The following TAOK2 variants were observed in gnomAD, a reference collection of about 807,000 sequenced individuals.
The protein encoded by TAOK2 is serine/threonine-protein kinase TAO2.
In TAOK2, 42 loss-of-function variants were observed where a neutral mutation model predicts 122.5. The observed-to-expected ratio is 0.34, with a 90% CI of 0.27 to 0.44. The LOEUF (loss-of-function observed/expected upper bound fraction) is 0.44, where lower values mean the gene tolerates loss of function less well. TAOK2 is among the 20% of genes least tolerant of loss of function. The pLI is 1.00. For missense variants in TAOK2, 1,264 were observed against 1,644.9 expected (o/e 0.77, Z 4.01); for synonymous variants, 704 against 677.6 (o/e 1.04, Z -0.61).
Position 29,988,298 on chromosome 16 carries a change from C to T in TAOK2, c.*318C>T. The T allele has an allele frequency of 3.4e-6, 5 of 1,451,584 alleles. No homozygotes were observed. The highest frequency in any genetic ancestry group is 4.6e-5 in the Admixed American group (2 of 43,636). 89.9% of individuals were successfully genotyped at this position (1,451,584 alleles called of 1,614,324 possible). A position where few individuals can be genotyped will look rare whatever the true frequency, so the allele number is the denominator to read the frequency against. ...TGGGAAGAGTCATGTTTTTTTTCTC[C>T]TCTTTGATTTTGTTTTTCTGTCTCC... is the stretch of plus-strand genomic sequence containing the variant. On this transcript the variant is annotated 3_prime_UTR_variant, in exon 16 of 16. Transcript: ENST00000308893.
rs759312159 is a variant in TAOK2 at position 29,983,550 on chromosome 16, C to T, written c.1308C>T (p.Pro436=). 1.2e-5 allele frequency: 20 copies of T among 1,613,880 alleles called. No homozygotes were observed. Among genetic ancestry groups the T allele is most frequent in the East Asian group, 2.2e-5 (1 of 44,880 alleles). The part of the protein sequence containing the change: ...YDDPYQPEIT[P]SPLQPPAAPA... ...ACCCCTACCAGCCAGAGATAACCCCCAGCCCTCTCCAGCCGCCTGCAGCCC... is the reference window on the plus strand; with the variant it reads ...ACCCCTACCAGCCAGAGATAACCCCTAGCCCTCTCCAGCCGCCTGCAGCCC... The change falls in exon 13 of 16, where the codon CCC becomes CCT. Residue 436 remains proline (P), a synonymous_variant. Coordinates refer to ENST00000308893, the MANE Select transcript of TAOK2 (RefSeq NM_016151.4).
intron 1 of TAOK2, among the ~76,000 whole-genome samples, chr16:29,976,140 G>A (rs2069446910): frequency 1.3e-5 from 2 of 152,140 alleles, no homozygotes; most frequent in South Asian, 4.1e-4. Context: ...TGTGGCCTAG[G>A]TTAGCATTCT....
At chr16:29,975,389 T>G (rs1354637213) in intron 1 of TAOK2, among the ~76,000 whole-genome samples, 2 of 152,180 alleles carry the variant, frequency 1.3e-5, no homozygotes, top group Non-Finnish European at 2.9e-5. Flanking sequence ...AGAACCAGAA[T>G]TTGAACTCAA....
intron 12 of TAOK2, 61 bp downstream of exon 12, chr16:29,983,393 C>T (rs1329640465): frequency 1.3e-6 from 2 of 1,560,434 alleles, no homozygotes; most frequent in African/African-American, 1.3e-5. Flanking sequence ...GGGTCTTCGC[C>T]CTCCTTCCCT....
downstream of TAOK2, chr16:29,989,491 CTT>C (rs1162771259): frequency 6.4e-7 from 1 of 1,567,400 alleles, no homozygotes; most frequent in Non-Finnish European, 8.7e-7. Context: ...TCTTCTCTCT[CTT>C]CTCCCCATTT....
Position 29,987,573 on chromosome 16 carries a change from C to T in TAOK2, c.3301C>T (p.Gln1101Ter). Residue 1101 changes from glutamine (Q) to a stop codon, truncating the protein, a stop_gained, in exon 16 of 16, where the codon CAG (glutamine) becomes TAG (stop). Coordinates refer to ENST00000308893, the MANE Select transcript of TAOK2 (RefSeq NM_016151.4). LOFTEE classifies it high-confidence loss of function. ...GTCACCCATGGCCTTCCGGGCCCTGCAGGGCTGTGGGGCTGTGGGGGACCG... is the reference window on the plus strand; with the variant it reads ...GTCACCCATGGCCTTCCGGGCCCTGTAGGGCTGTGGGGCTGTGGGGGACCG... ...RLSPMAFRAL[Q>*]GCGAVGDRGL... 1 of 1,612,786 alleles carries T rather than the reference C, an allele frequency of 6.2e-7. No individual in the cohort carries two copies. Among genetic ancestry groups the T allele is most frequent in the Non-Finnish European group, 8.5e-7 (1 of 1,179,200 alleles).
chr16:29,988,120 G>C lies in TAOK2; in HGVS notation c.*140G>C. 7.0e-7 allele frequency: 1 copy of C among 1,433,234 alleles called. No individual in the cohort carries two copies. 88.8% of individuals were successfully genotyped at this position (1,433,234 alleles called of 1,614,324 possible). ...TCACTTACCCCAGGCCCAGCCCTTC[G>C]GACCTCTAGACAGGCAGCCTCCTCA... On this transcript the variant is annotated 3_prime_UTR_variant, in exon 16 of 16. Transcript: ENST00000308893.
rs372412751 is a variant in TAOK2, at chr16:29,973,960, G to A, written c.-724G>A. Reference sequence around the variant, plus strand: ...AGAGGCTGAGACGGAGAAGAGGAGAGGCAGAGAGGGCGCGGGGACCGTCAG... The same window carrying A: ...AGAGGCTGAGACGGAGAAGAGGAGAAGCAGAGAGGGCGCGGGGACCGTCAG... On this transcript the variant is annotated 5_prime_UTR_variant, in exon 1 of 16. Coordinates refer to ENST00000308893, the MANE Select transcript of TAOK2 (RefSeq NM_016151.4). The A allele has an allele frequency of 6.5e-6, 1 of 153,078 alleles. No homozygotes were observed. Among genetic ancestry groups the A allele is most frequent in the South Asian group, 2.1e-4 (1 of 4,840 alleles). 9.5% of individuals were successfully genotyped at this position (153,078 alleles called of 1,614,324 possible). A position where few individuals can be genotyped will look rare whatever the true frequency, so the allele number is the denominator to read the frequency against.
chr16:29,987,449 T>G lies in TAOK2; in HGVS notation c.3177T>G (p.Pro1059=). The change falls in exon 16 of 16, where the codon CCT becomes CCG. Residue 1059 remains proline (P), a synonymous_variant. Coordinates refer to ENST00000308893, the MANE Select transcript of TAOK2 (RefSeq NM_016151.4). ...WLLAWPGLAL[P]LVAMAAGGRW... ...TAGCTTGGCCAGGCCTAGCTCTACC[T>G]CTGGTGGCTATGGCAGCGGGGGGCA... The G allele has an allele frequency of 6.3e-7, 1 of 1,598,572 alleles. No individual in the cohort carries two copies. The highest frequency in any genetic ancestry group is 1.1e-5 in the South Asian group (1 of 89,882).
Position 29,979,335 on chromosome 16 carries a change from A to G in TAOK2, c.563+27A>G. Reference sequence around the variant, plus strand: ...TGAGTGAGTGAGTGGTGGTGAGTGGAGAGACCTCCCAGGGATGTTGGGAGT... The same window carrying G: ...TGAGTGAGTGAGTGGTGGTGAGTGGGGAGACCTCCCAGGGATGTTGGGAGT... On this transcript the variant is annotated intron_variant, in intron 7 of 15. Transcript: ENST00000308893. The surrounding 1 kb of genome is among the most constrained non-coding windows in gnomAD (Gnocchi z 4.1). The G allele has an allele frequency of 6.2e-7, 1 of 1,612,736 alleles. No homozygotes were observed. Among genetic ancestry groups the G allele is most frequent in the Non-Finnish European group, 8.5e-7 (1 of 1,178,952 alleles).
rs753738658 is a variant in TAOK2 at position 29,977,949 on chromosome 16, C to T, written c.132+45C>T. 1.9e-6 allele frequency: 3 copies of T among 1,613,720 alleles called. No individual in the cohort carries two copies. The South Asian group carries it at 3.3e-5, about 18-fold the overall frequency. On this transcript the variant is annotated intron_variant, in intron 2 of 15. Transcript: ENST00000308893. ...GGTGTAATAGGGATGGGGACTCTTCCTATCCCTGTGGACTTCCCAACAGCC... is the reference window on the plus strand; with the variant it reads ...GGTGTAATAGGGATGGGGACTCTTCTTATCCCTGTGGACTTCCCAACAGCC...
Position 29,978,280 on chromosome 16 carries a change from G to T in TAOK2, c.233G>T (p.Arg78Leu), listed in dbSNP as rs761769256. ...TGGCAAGACATCATCAAGGAGGTGC[G>T]GTTCTTACAGAAGCTCCGGCATCCC... Reference protein sequence around the residue: ...EKWQDIIKEVRFLQKLRHPNT... With the variant: ...EKWQDIIKEVLFLQKLRHPNT... The change falls in exon 4 of 16, where the codon CGG (arginine) becomes CTG (leucine). Residue 78 changes from arginine (R) to leucine (L), a missense_variant. Around this residue, in one of 4 missense-constraint regions of TAOK2, gnomAD observed 254 missense variants for 503.8 expected, o/e 0.50. Transcript: ENST00000308893. The T allele has an allele frequency of 6.2e-7, 1 of 1,613,958 alleles. No individual in the cohort carries two copies. Among genetic ancestry groups the T allele is most frequent in the Non-Finnish European group, 8.5e-7 (1 of 1,180,004 alleles).
intron 1 of TAOK2, among the ~76,000 whole-genome samples, chr16:29,976,732 G>A (rs1283253691): frequency 6.6e-6 from 1 of 152,246 alleles, no homozygotes; most frequent in Non-Finnish European, 1.5e-5. Context: ...GGTGACAGCT[G>A]AGAGAGTAAT....
chr16:29,986,417 C>T lies in TAOK2; in HGVS notation c.2145C>T (p.Gly715=), dbSNP rs765007898. The change falls in exon 16 of 16, where the codon GGC becomes GGT. Residue 715 remains glycine, a synonymous_variant. Transcript: ENST00000308893. This position sits in a 1 kb window ranked among gnomAD's most constrained non-coding sequence, Gnocchi z 4.2. ...LTRLQHQTEL[G]NQLEYNKRRE... ...GCCTGCAGCACCAGACGGAGCTGGG[C>T]AACCAGCTGGAGTACAACAAGCGGC... The T allele has an allele frequency of 6.2e-7, 1 of 1,611,526 alleles. No individual in the cohort carries two copies. Among genetic ancestry groups the T allele is most frequent in the Non-Finnish European group, 8.5e-7 (1 of 1,178,608 alleles).
At position 29,987,696 on chromosome 16, in the gene TAOK2, C is replaced by T. The variant is rs1567251310; in HGVS notation, c.3424C>T (p.His1142Tyr). The T allele has an allele frequency of 6.2e-7, 1 of 1,614,088 alleles. No homozygotes were observed. Among genetic ancestry groups the T allele is most frequent in the Non-Finnish European group, 8.5e-7 (1 of 1,179,966 alleles). The change falls in exon 16 of 16, where the codon CAC becomes TAC. Residue 1142 changes from histidine (H) to tyrosine (Y), a missense_variant. His to Tyr is a moderately conservative substitution (Grantham distance 83, BLOSUM62 2). Coordinates refer to ENST00000308893, the MANE Select transcript of TAOK2 (RefSeq NM_016151.4). The stretch of plus-strand genomic sequence containing the variant: ...GCGGCGTAATCCCCGCACCACCCAA[C>T]ACCCATTAGCTCTGTTGGCAAGGGT... ...PRRRNPRTTQ[H>Y]PLALLARVWV... is the part of the protein sequence containing the mutation.
At position 29,978,119 on chromosome 16, in the gene TAOK2, G is replaced by T; in HGVS notation, c.163G>T (p.Ala55Ser). Reference sequence around the variant, plus strand: ...GGATGTCCGGAATAGTGAGGTGGTGGCCATCAAGAAGATGTCCTACAGTGG... The same window carrying T: ...GGATGTCCGGAATAGTGAGGTGGTGTCCATCAAGAAGATGTCCTACAGTGG... ...ARDVRNSEVV[A>S]IKKMSYSGKQ... The change falls in exon 3 of 16, where the codon GCC (alanine) becomes TCC (serine). Residue 55 changes from alanine to serine, a missense_variant. Physicochemically the swap from Ala to Ser is moderately conservative, Grantham distance 99. Coordinates refer to ENST00000308893, the MANE Select transcript of TAOK2 (RefSeq NM_016151.4). 1 of 1,614,150 alleles carries T rather than the reference G, an allele frequency of 6.2e-7. No homozygotes were observed. The highest frequency in any genetic ancestry group is 8.5e-7 in the Non-Finnish European group (1 of 1,180,018).
chr16:29,976,185 C>G (rs1160643070), intron 1 of TAOK2, among the ~76,000 whole-genome samples: 1 of 152,122 alleles, frequency 6.6e-6, no homozygotes, highest in South Asian at 2.1e-4. Flanking sequence ...CAGGAAGATT[C>G]CTTTGGCAAG....
At chr16:29,982,618 A>C (rs1446843077) in intron 10 of TAOK2, 116 bp from the exon 11 acceptor site, 1 of 1,391,354 alleles carries the variant, frequency 7.2e-7, no homozygotes, top group African/African-American at 1.4e-5. Flanking sequence ...GGCCAGCATC[A>C]ACCCGTGGTG....
chr16:29,989,283 C>T (rs766294111), downstream of TAOK2: 181 of 985,174 alleles, frequency 1.8e-4, no homozygotes, highest in Non-Finnish European at 2.1e-4. Flanking sequence ...TCGTGGGTAT[C>T]GCACCCAACT....
Sources: allele counts gnomAD v4.1 joint callset (sites outside exome capture counted in the v4.1 genomes callset), GRCh38; gene constraint gnomAD v4.1.1; regional missense constraint gnomAD v4.1.1; non-coding constraint Gnocchi (gnomAD v3.1); transcripts MANE v1.5; gene names NCBI Gene and HGNC (gene_info 2026-07-23, HGNC 2026-07-21).